Variants in PRPSAP2 observed in about 807,000 individuals in gnomAD.
PRPSAP2 encodes phosphoribosyl pyrophosphate synthetase associated protein 2.
In PRPSAP2, 24 loss-of-function variants were observed where a neutral mutation model predicts 40.6. That is an observed-to-expected ratio of 0.59 (90% CI 0.43 to 0.83). The LOEUF is 0.83. PRPSAP2 is among the 40% of genes least tolerant of loss of function. The pLI is 0.00. For missense variants in PRPSAP2, 292 were observed against 465.6 expected, an observed-to-expected ratio of 0.63 and a Z score of 3.43; for synonymous variants, 149 against 164.7, an observed-to-expected ratio of 0.90 and a Z score of 0.73.
chr17:18,870,822 AAAG>A (rs1252229955), intron 4 of PRPSAP2, among the ~76,000 whole-genome samples: 2 of 140,804 alleles, frequency 1.4e-5, no homozygotes, highest in African/African-American at 5.3e-5. Context: ...AAAAAAAAAA[AAAG>A]AAAAGGAAAA....
intron 9 of PRPSAP2, chr17:18,917,338 G>A (rs1567743632): frequency 6.6e-6 from 1 of 151,096 alleles, no homozygotes; most frequent in Non-Finnish European, 1.5e-5. Flanking sequence ...GGCTTATATA[G>A]CATCTTAATA....
intron 7 of PRPSAP2, among the ~76,000 whole-genome samples, chr17:18,885,429 A>AGAAAAT: frequency 9.2e-6 from 1 of 109,274 alleles, no homozygotes; most frequent in Non-Finnish European, 1.9e-5. Flanking sequence ...AAAAAAAAAA[A>AGAAAAT]TTAATATGTG....
chr17:18,915,995 A>G lies in PRPSAP2; in HGVS notation c.733+4744A>G, dbSNP rs562048186. 4.6e-5 allele frequency among the ~76,000 whole-genome samples: 7 copies of G among 151,474 alleles called. No individual in the cohort carries two copies. The East Asian group carries it at 1.4e-3, about 30-fold the overall frequency. The stretch of plus-strand genomic sequence containing the variant: ...CCACCACACCCGGCTAATTTTTTGT[A>G]TTTTAGTAGAGATGGGGTTTCACCT... On this transcript the variant is annotated intron_variant, in intron 9 of 11. Coordinates refer to ENST00000268835, the MANE Select transcript of PRPSAP2 (RefSeq NM_002767.4).
Position 18,889,867 on chromosome 17 carries a change from T to TTTTTAATGATA in PRPSAP2, c.574_575insTTTTAATGATA (p.Ser192PhefsTer22). ...AGTAATCGTGGCCAAGTCTCCAGCC[T>TTTTTAATGATA]CGGCGAAGAGGTAGGTGGGAATCTC... is the stretch of plus-strand genomic sequence containing the variant. On this transcript the variant is annotated frameshift_variant, in exon 8 of 12. Transcript: ENST00000268835. LOFTEE classifies it high-confidence loss of function. 1 of 1,611,460 alleles carries TTTTTAATGATA rather than the reference T, an allele frequency of 6.2e-7. No individual in the cohort carries two copies. Among genetic ancestry groups the TTTTTAATGATA allele is most frequent in the Admixed American group, 1.7e-5 (1 of 59,654 alleles).
chr17:18,860,427 G>A (rs1402753356), intron 1 of PRPSAP2: 1 of 152,222 alleles, frequency 6.6e-6, no homozygotes, highest in Non-Finnish European at 1.5e-5. Context: ...ACTCATTGAA[G>A]TCAGGCATTA....
intron 7 of PRPSAP2, among the ~76,000 whole-genome samples, chr17:18,886,262 TTG>T (rs1287087449): frequency 1.3e-5 from 2 of 152,166 alleles, no homozygotes; most frequent in African/African-American, 4.8e-5. Flanking sequence ...TCTCCATCTC[TTG>T]TGTTTGTCAC....
intron 8 of PRPSAP2, among the ~76,000 whole-genome samples, chr17:18,890,561 C>T (rs2039479497): frequency 1.3e-5 from 2 of 152,170 alleles, no homozygotes. Context: ...ACCCACCCGC[C>T]TTACCCTCCC....
At chr17:18,884,470 G>A (rs924265596) in intron 7 of PRPSAP2, among the ~76,000 whole-genome samples, 13 of 151,972 alleles carry the variant, frequency 8.6e-5, no homozygotes, top group African/African-American at 3.1e-4. Context: ...CTTCTGAGTA[G>A]CTGAGACTAG....
rs35152998 is a variant in PRPSAP2 at position 18,885,400 on chromosome 17, T to TCA, written c.528+2720_528+2721dup. ...CTGGGCGACAGAGTGAGATTCCTTC[T>TCA]CACAAAAAAAAAAAAAAAAAAAAAA... On this transcript the variant is annotated intron_variant, in intron 7 of 11. Transcript: ENST00000268835. Among the ~76,000 whole-genome samples, 67 of 18,198 alleles carry TCA rather than the reference T, an allele frequency of 3.7e-3. 1 individual carries two copies. The highest frequency in any genetic ancestry group is 4.7e-3 in the Non-Finnish European group (46 of 9,818). 11.9% of individuals were successfully genotyped at this position (18,198 alleles called of 152,430 possible).
rs553726483 is a variant in PRPSAP2 at position 18,905,703 on chromosome 17, C to G, written c.585-5400C>G. The stretch of plus-strand genomic sequence containing the variant: ...CAAGTGATTCTCCCACCTCAGCCTC[C>G]CAAGTAGCTGGGGATTACAGGCATG... On this transcript the variant is annotated intron_variant, in intron 8 of 11. Transcript: ENST00000268835. Among the ~76,000 whole-genome samples, 498 of 152,194 alleles carry G rather than the reference C, an allele frequency of 3.3e-3. 1 individual carries two copies. Among genetic ancestry groups the G allele is most frequent in the African/African-American group, 0.012 (482 of 41,518 alleles).
At chr17:18,917,396 T>A (rs916279364) in intron 9 of PRPSAP2, 3 of 146,184 alleles carry the variant, frequency 2.1e-5, no homozygotes, top group Admixed American at 6.9e-5. Flanking sequence ...ACAGATGACT[T>A]CTTTTTTTTT....
intron 8 of PRPSAP2, among the ~76,000 whole-genome samples, chr17:18,893,897 T>C (rs2039744035): frequency 6.6e-6 from 1 of 152,068 alleles, no homozygotes; most frequent in Admixed American, 6.6e-5. Flanking sequence ...AGATGGAGTT[T>C]CACTCTTGTT....
chr17:18,929,566 G>A (rs2042153402), intron 11 of PRPSAP2: 1 of 152,086 alleles, frequency 6.6e-6, no homozygotes, highest in East Asian at 1.9e-4. Context: ...TGTCTCTCTA[G>A]ATTTGCCTGT....
intron 1 of PRPSAP2, among the ~76,000 whole-genome samples, chr17:18,860,078 GAC>G (rs2036889261): frequency 1.4e-5 from 2 of 142,144 alleles, no homozygotes; most frequent in Non-Finnish European, 3.1e-5. Flanking sequence ...TTAATTTTTT[GAC>G]ACAGAGTCTT....
chr17:18,868,804 A>G (rs747718013), intron 4 of PRPSAP2, among the ~76,000 whole-genome samples: 3 of 149,844 alleles, frequency 2.0e-5, no homozygotes, highest in Non-Finnish European at 4.4e-5. Context: ...CAGTTCTCCT[A>G]TTTCAGCCCC....
chr17:18,917,041 T>C (rs745786918), intron 9 of PRPSAP2, among the ~76,000 whole-genome samples: 25 of 152,056 alleles, frequency 1.6e-4, no homozygotes, highest in Admixed American at 3.9e-4. Context: ...ATGAATGTAG[T>C]TGGGTTGGGG....
At chr17:18,871,237 C>G (rs1319759713) in intron 4 of PRPSAP2, among the ~76,000 whole-genome samples, 1 of 151,752 alleles carries the variant, frequency 6.6e-6, no homozygotes, top group East Asian at 1.9e-4. Flanking sequence ...CCAGGCTAGC[C>G]TTAAACACCT....
chr17:18,886,929 C>CTTTTTTTTTTTTTTTTTTT (rs71155365), intron 7 of PRPSAP2, among the ~76,000 whole-genome samples: 2 of 75,372 alleles, frequency 2.7e-5, no homozygotes, highest in African/African-American at 1.1e-4. Flanking sequence ...TTCTTTTCTT[C>CTTTTTTTTTTTTTTTTTTT]TTTTTTTTTT....
chr17:18,914,406 T>A (rs2151958003), intron 9 of PRPSAP2, among the ~76,000 whole-genome samples: 1 of 150,576 alleles, frequency 6.6e-6, no homozygotes. Context: ...TATAGATGTG[T>A]GCACCAGGCC....
Sources: allele counts gnomAD v4.1 joint callset (sites outside exome capture counted in the v4.1 genomes callset), GRCh38; gene constraint gnomAD v4.1.1; transcripts MANE v1.5; gene names NCBI Gene and HGNC (gene_info 2026-07-23, HGNC 2026-07-21).